SYT1: variants seen among roughly 807,000 people sequenced by gnomAD.
The protein encoded by SYT1 is synaptotagmin 1.
Under a neutral mutation model 44.8 loss-of-function variants are expected in SYT1, and 8 were observed. That is an observed-to-expected ratio of 0.18 (90% CI 0.10 to 0.32). The LOEUF is 0.32. Ranked by LOEUF, SYT1 falls within the 10% of genes least tolerant of loss-of-function variation. SYT1 has a pLI of 1.00. For missense variants in SYT1, 286 were observed against 509.3 expected, an observed-to-expected ratio of 0.56 and a Z score of 4.22; for synonymous variants, 154 against 188.8, an observed-to-expected ratio of 0.82 and a Z score of 1.51.
chr12:78,994,287 G>A (rs999591442), intron 2 of SYT1, among the ~76,000 whole-genome samples: 1 of 152,050 alleles, frequency 6.6e-6, no homozygotes, highest in African/African-American at 2.4e-5. Flanking sequence ...CACCAACCAC[G>A]ATAAATAAAA....
intron 2 of SYT1, among the ~76,000 whole-genome samples, chr12:79,038,834 G>C (rs184852624): frequency 2.0e-5 from 3 of 152,000 alleles, no homozygotes; most frequent in Non-Finnish European, 4.4e-5. Flanking sequence ...TAAATATTTA[G>C]CTCAGCACTA....
chr12:79,310,819 C>G (rs1880743500), intron 8 of SYT1, among the ~76,000 whole-genome samples: 1 of 152,138 alleles, frequency 6.6e-6, no homozygotes, highest in African/African-American at 2.4e-5. Context: ...CTCTGTTTGT[C>G]TGTTATTGGT....
At chr12:79,382,362 T>C (rs1286870260) in intron 9 of SYT1, among the ~76,000 whole-genome samples, 1 of 152,174 alleles carries the variant, frequency 6.6e-6, no homozygotes, top group African/African-American at 2.4e-5. Context: ...CCTACACAAT[T>C]CTGGATAATG....
intron 2 of SYT1, 131 bp downstream of exon 2, chr12:78,978,062 T>G (rs760814901): frequency 8.5e-5 from 13 of 152,238 alleles, no homozygotes; most frequent in Non-Finnish European, 1.9e-4. Context: ...ATTGAAGAAC[T>G]GTATCTCTTT....
chr12:79,269,237 CAG>C (rs1034857186), intron 4 of SYT1, among the ~76,000 whole-genome samples: 6 of 152,010 alleles, frequency 3.9e-5, no homozygotes, highest in African/African-American at 9.7e-5. Context: ...AACTGTGAAA[CAG>C]AGAATTTTTT....
intron 9 of SYT1, among the ~76,000 whole-genome samples, chr12:79,429,748 C>T (rs931136091): frequency 2.6e-5 from 4 of 152,160 alleles, no homozygotes; most frequent in African/African-American, 9.7e-5. Flanking sequence ...CCAGGATGGT[C>T]TTCATCTCCT....
At chr12:79,291,401 T>C (rs1879574041) in intron 5 of SYT1, among the ~76,000 whole-genome samples, 1 of 152,196 alleles carries the variant, frequency 6.6e-6, no homozygotes, top group South Asian at 2.1e-4. Context: ...TAAACTGAAA[T>C]TGGAAGTGGG....
intron 8 of SYT1, among the ~76,000 whole-genome samples, chr12:79,323,948 C>CTTTT (rs56962075): frequency 1.8e-5 from 2 of 112,624 alleles, no homozygotes; most frequent in African/African-American, 6.6e-5. Flanking sequence ...TTTCTATTTT[C>CTTTT]TTTTTTTTTT....
At chr12:79,286,656 CA>C (rs1185309307) in intron 5 of SYT1, among the ~76,000 whole-genome samples, 1 of 151,914 alleles carries the variant, frequency 6.6e-6, no homozygotes, top group East Asian at 1.9e-4. Flanking sequence ...TTTCCAAGCC[CA>C]AAAAAGCTAT....
chr12:78,930,083 T>C (rs1478351997), intron 1 of SYT1, among the ~76,000 whole-genome samples: 30 of 152,144 alleles, frequency 2.0e-4, no homozygotes, highest in Non-Finnish European at 1.3e-4. Flanking sequence ...GAGGAATAAG[T>C]TTTAGTAATC....
rs192972857 is a variant in SYT1 at position 79,159,790 on chromosome 12, A to C, written c.-17-57713A>C. Among the ~76,000 whole-genome samples, 517 of 152,224 alleles carry C rather than the reference A, an allele frequency of 3.4e-3. 6 individuals carry two copies. The highest frequency in any genetic ancestry group is 0.012 in the African/African-American group (494 of 41,552). On this transcript the variant is annotated intron_variant, in intron 3 of 10. Coordinates refer to ENST00000261205, the MANE Select transcript of SYT1 (RefSeq NM_005639.3). The stretch of plus-strand genomic sequence containing the variant: ...CTGTAGAGCACATTAATTTTAAGAA[A>C]TCCTAAGAAAGAAAAATACTTCCAG...
chr12:79,190,058 C>T (rs1873021610), intron 3 of SYT1, among the ~76,000 whole-genome samples: 1 of 152,156 alleles, frequency 6.6e-6, no homozygotes, highest in East Asian at 1.9e-4. Flanking sequence ...AAGACCTCTG[C>T]CTTCAGTCTA....
chr12:79,294,745 T>C (rs1474982232), intron 6 of SYT1, among the ~76,000 whole-genome samples: 1 of 152,174 alleles, frequency 6.6e-6, no homozygotes, highest in African/African-American at 2.4e-5. Flanking sequence ...AAATACCTAC[T>C]TAGCAAACAA....
At chr12:79,051,293 C>T (rs1283636026) in intron 3 of SYT1, among the ~76,000 whole-genome samples, 2 of 150,344 alleles carry the variant, frequency 1.3e-5, no homozygotes, top group Non-Finnish European at 3.0e-5. Context: ...TATATATCTC[C>T]ACAGTATAAC....
chr12:79,420,661 G>C (rs1269990746), intron 9 of SYT1, among the ~76,000 whole-genome samples: 2 of 152,132 alleles, frequency 1.3e-5, no homozygotes, highest in Non-Finnish European at 2.9e-5. Context: ...TAGCACAAGA[G>C]AGATATGATG....
intron 8 of SYT1, among the ~76,000 whole-genome samples, chr12:79,346,798 A>G (rs1207317915): frequency 2.6e-5 from 4 of 152,328 alleles, no homozygotes; most frequent in African/African-American, 7.2e-5. Context: ...ACCTCATTTC[A>G]ATACAGTCAA....
intron 1 of SYT1, among the ~76,000 whole-genome samples, chr12:78,969,440 G>A (rs571303532): frequency 1.3e-5 from 2 of 152,162 alleles, no homozygotes; most frequent in African/African-American, 2.4e-5. Context: ...AAGAGCAAAT[G>A]CAAAGCCCTG....
chr12:78,895,126 T>A (rs1189195412), intron 1 of SYT1, among the ~76,000 whole-genome samples: 1 of 151,670 alleles, frequency 6.6e-6, no homozygotes, highest in Non-Finnish European at 1.5e-5. Context: ...CCGTTGAGGT[T>A]TTCCATACCA....
chr12:79,317,571 C>T (rs1454729205), intron 8 of SYT1, among the ~76,000 whole-genome samples: 1 of 152,146 alleles, frequency 6.6e-6, no homozygotes, highest in Non-Finnish European at 1.5e-5. Context: ...ACCCGGGGCA[C>T]ACAAACCCAG....
Sources: allele counts gnomAD v4.1 joint callset (sites outside exome capture counted in the v4.1 genomes callset), GRCh38; gene constraint gnomAD v4.1.1; transcripts MANE v1.5; gene names NCBI Gene and HGNC (gene_info 2026-07-23, HGNC 2026-07-21).